Variants in ARPC4 observed in about 807,000 individuals in gnomAD.
The protein encoded by ARPC4 is actin-related protein 2/3 complex subunit 4.
ARPC4 carries 3 observed loss-of-function variants against 22.8 expected under a neutral mutation model. That is an observed-to-expected ratio of 0.13 (90% confidence interval 0.06 to 0.34). The LOEUF is 0.34. ARPC4 is among the 10% of genes least tolerant of loss of function. The probability of loss-of-function intolerance (pLI) is 1.00; values close to 1 mark genes in which losing one functional copy is unlikely to be tolerated. For missense variants in ARPC4, 98 were observed against 211.0 expected (o/e 0.46, Z 3.32); for synonymous variants, 80 against 72.5 (o/e 1.10, Z -0.52).
chr3:9,798,897 A>G lies in ARPC4; in HGVS notation c.122+1120A>G, dbSNP rs537173081. Among the ~76,000 whole-genome samples the G allele has an allele frequency of 9.2e-5, 14 of 152,168 alleles. 1 individual carries two copies. The South Asian group carries it at 2.9e-3, about 32-fold the overall frequency. ...CAAAAATAAAATAAAATAAAATAAA[A>G]TAAAATAAAATTCATTCTGGTACAT... On this transcript the variant is annotated intron_variant, in intron 2 of 5. Coordinates refer to ENST00000397261, the MANE Select transcript of ARPC4 (RefSeq NM_005718.5).
chr3:9,793,326 G>A (rs2078797125), intron 1 of ARPC4: 4 of 1,079,800 alleles, frequency 3.7e-6, no homozygotes, highest in South Asian at 1.7e-5. Flanking sequence ...CTGGTATGAA[G>A]TGGGCCTTGT....
chr3:9,799,285 C>T (rs1184400648), intron 2 of ARPC4, among the ~76,000 whole-genome samples: 3 of 152,188 alleles, frequency 2.0e-5, no homozygotes, highest in African/African-American at 7.2e-5. Context: ...TTTGCCTGTA[C>T]AGGTTGAGTA....
chr3:9,802,237 CAAAAAAAAAAAA>C lies in ARPC4; in HGVS notation c.330+494_330+505del, dbSNP rs1159841703. Among the ~76,000 whole-genome samples, 119 of 50,288 alleles carry C rather than the reference CAAAAAAAAAAAA, an allele frequency of 2.4e-3. 1 individual carries two copies. In the East Asian group the frequency reaches 0.082, roughly 35 times the overall value. The allele number at this position is 50,288 out of a possible 152,430, so 33.0% of individuals were successfully genotyped here. ...TGGGCGACAGAGCAAGACTCCGTCT[CAAAAAAAAAAAA>C]AAAAAAAAAAAAGGCAAAAAAGATA... On this transcript the variant is annotated intron_variant, in intron 4 of 5. Coordinates refer to ENST00000397261, the MANE Select transcript of ARPC4 (RefSeq NM_005718.5).
Position 9,805,834 on chromosome 3 carries a change from T to C in ARPC4, c.502-376T>C, listed in dbSNP as rs1028474024. ...AAAAGTACCAGAACCTGGGTCCTTT[T>C]CCACTTGGCCCTCTGAGTCCCCAGG... On this transcript the variant is annotated intron_variant, in intron 5 of 5. Transcript: ENST00000397261. 5.9e-5 allele frequency among the ~76,000 whole-genome samples: 9 copies of C among 152,162 alleles called. No homozygotes were observed. The East Asian group carries it at 1.7e-3, about 29-fold the overall frequency.
At chr3:9,797,584 G>T in intron 1 of ARPC4, 75 bp from the exon 2 acceptor site, 2 of 1,525,790 alleles carry the variant, frequency 1.3e-6, no homozygotes, top group Non-Finnish European at 1.8e-6. Flanking sequence ...GGCTTCATGG[G>T]AGCTGGAATA....
chr3:9,805,795 C>T (rs1456946770), intron 5 of ARPC4, among the ~76,000 whole-genome samples: 1 of 152,204 alleles, frequency 6.6e-6, no homozygotes, highest in Non-Finnish European at 1.5e-5. Flanking sequence ...GGAGGTTCAT[C>T]CAGAGCTTGA....
In ARPC4 at chr3:9,801,720, A is replaced by G. The variant is rs1298532010; in HGVS notation, c.294A>G (p.Ala98=). The change falls in exon 4 of 6, where the codon GCA becomes GCG. Residue 98 remains alanine (A), a synonymous_variant. Coordinates refer to ENST00000397261, the MANE Select transcript of ARPC4 (RefSeq NM_005718.5). ...HKFMRFMMMR[A]ENFFILRRKP... ...TCATGCGCTTCATGATGATGCGAGC[A>G]GAGAACTTCTTTATCCTTCGAAGGA... is the stretch of plus-strand genomic sequence containing the variant. 4 of 1,608,850 alleles carry G rather than the reference A, an allele frequency of 2.5e-6. No individual in the cohort carries two copies. Among genetic ancestry groups the G allele is most frequent in the South Asian group, 1.1e-5 (1 of 90,092 alleles).
intron 2 of ARPC4, among the ~76,000 whole-genome samples, chr3:9,799,147 A>C (rs902881769): frequency 1.3e-5 from 2 of 152,202 alleles, no homozygotes; most frequent in African/African-American, 4.8e-5. Context: ...ACCTGAACTC[A>C]TAGGGGTCTC....
At chr3:9,793,250 G>T in intron 1 of ARPC4, 126 bp downstream of exon 1, 2 of 1,421,854 alleles carry the variant, frequency 1.4e-6, no homozygotes, top group South Asian at 1.4e-5. Context: ...GTGGGGACAC[G>T]ATGAGGGTGG....
rs183930117 is a variant in ARPC4, at chr3:9,796,872, T to C, written c.4-787T>C. 2.4e-4 allele frequency among the ~76,000 whole-genome samples: 32 copies of C among 133,322 alleles called. 1 individual carries two copies. The highest frequency in any genetic ancestry group is 2.2e-3 in the East Asian group (10 of 4,614). The allele number at this position is 133,322 out of a possible 152,430, so 87.5% of individuals were successfully genotyped here. A position where few individuals can be genotyped will look rare whatever the true frequency, so the allele number is the denominator to read the frequency against. ...AGGAGAAGGGCATGAACCCGGGAGG[T>C]GGAGCTTGCAGTGAGCCGAGATCGT... On this transcript the variant is annotated intron_variant, in intron 1 of 5. Transcript: ENST00000397261.
At chr3:9,796,154 G>A (rs2078880044) in intron 1 of ARPC4, among the ~76,000 whole-genome samples, 1 of 152,204 alleles carries the variant, frequency 6.6e-6, no homozygotes, top group Non-Finnish European at 1.5e-5. Flanking sequence ...AACACTTTGA[G>A]AGGCCGAGGT....
intron 1 of ARPC4, among the ~76,000 whole-genome samples, chr3:9,796,003 G>A (rs2078875580): frequency 6.6e-6 from 1 of 152,184 alleles, no homozygotes; most frequent in Non-Finnish European, 1.5e-5. Context: ...GGCTGAGGCA[G>A]GTGAATCACT....
intron 5 of ARPC4, among the ~76,000 whole-genome samples, chr3:9,804,695 C>T (rs147867592): frequency 3.9e-5 from 6 of 152,198 alleles, no homozygotes; most frequent in East Asian, 1.9e-4. Flanking sequence ...GATCTCTAGA[C>T]GGTAGACTTA....
At chr3:9,792,857 G>A (rs2078776138), upstream of ARPC4, 2 of 1,366,706 alleles carry the variant, frequency 1.5e-6, no homozygotes, top group Admixed American at 7.2e-5. Flanking sequence ...CAAGAAGGCC[G>A]AAGGCACAAA....
intron 3 of ARPC4, among the ~76,000 whole-genome samples, chr3:9,801,210 C>CAT (rs1208916054): frequency 1.6e-4 from 2 of 12,176 alleles, no homozygotes; most frequent in South Asian, 2.1e-3. Flanking sequence ...GATTCCATCT[C>CAT]AGAAAAAAAA....
At chr3:9,796,914 C>A (rs906280254) in intron 1 of ARPC4, among the ~76,000 whole-genome samples, 1 of 130,434 alleles carries the variant, frequency 7.7e-6, no homozygotes, top group Non-Finnish European at 1.5e-5. Context: ...GCGCTCCAGC[C>A]TGGGCAACAG....
At chr3:9,792,721 G>A (rs1412400380), upstream of ARPC4, 3 of 1,234,458 alleles carry the variant, frequency 2.4e-6, no homozygotes, top group Non-Finnish European at 3.0e-6. Flanking sequence ...AGGGGCGAGA[G>A]AAAGGATGGG....
At chr3:9,802,574 A>T (rs563928148) in intron 4 of ARPC4, among the ~76,000 whole-genome samples, 391 of 150,504 alleles carry the variant, frequency 2.6e-3, no homozygotes, top group African/African-American at 9.2e-3. Context: ...ACGGGGTTTC[A>T]CCATGTTAGC....
Position 9,806,539 on chromosome 3 carries a change from A to C in ARPC4, c.*324A>C. 2.6e-6 allele frequency: 1 copy of C among 381,486 alleles called. No homozygotes were observed. The highest frequency in any genetic ancestry group is 4.7e-6 in the Non-Finnish European group (1 of 211,290). 23.6% of individuals were successfully genotyped at this position (381,486 alleles called of 1,614,324 possible). Reference sequence around the variant, plus strand: ...GTCTTTTTTTTTTTTTTTTTTTTTAAACCTCCACCTCCAGTGGCTGTGACT... The same window carrying C: ...GTCTTTTTTTTTTTTTTTTTTTTTACACCTCCACCTCCAGTGGCTGTGACT... On this transcript the variant is annotated 3_prime_UTR_variant, in exon 6 of 6. Coordinates refer to ENST00000397261, the MANE Select transcript of ARPC4 (RefSeq NM_005718.5).
Sources: allele counts gnomAD v4.1 joint callset (sites outside exome capture counted in the v4.1 genomes callset), GRCh38; gene constraint gnomAD v4.1.1; transcripts MANE v1.5; gene names NCBI Gene and HGNC (gene_info 2026-07-23, HGNC 2026-07-21).